The following SGSM3 variants were observed in gnomAD, a reference collection of about 807,000 sequenced individuals.
The protein encoded by SGSM3 is small G protein signaling modulator 3.
A neutral mutation model predicts 100.5 loss-of-function variants in SGSM3; 96 were observed. That is an observed-to-expected ratio of 0.96 (90% CI 0.81 to 1.13). The LOEUF (loss-of-function observed/expected upper bound fraction) is 1.13, where lower values mean the gene tolerates loss of function less well. Among genes scored for constraint, SGSM3 ranks in the 50% most tolerant of loss-of-function variants. SGSM3 has a pLI of 0.00. For synonymous variants in SGSM3, 483 were observed against 422.8 expected (o/e 1.14, Z -1.75); for missense variants, 1,001 against 1,015.8 (o/e 0.99, Z 0.20).
intron 10 of SGSM3, 118 bp downstream of exon 10, chr22:40,406,780 A>G (rs1316182659): frequency 1.0e-6 from 1 of 957,068 alleles, no homozygotes. Flanking sequence ...TCTGCCCCCC[A>G]GCCTGGCCCA....
At chr22:40,409,180 GC>G in intron 19 of SGSM3, 69 bp from the exon 20 acceptor site, 1 of 1,556,014 alleles carries the variant, frequency 6.4e-7, no homozygotes, top group Non-Finnish European at 8.7e-7. Flanking sequence ...CAGGTCAGAG[GC>G]TTCCACCGTG....
chr22:40,390,282 T>G (rs546343858), intron 1 of SGSM3: 2 of 152,296 alleles, frequency 1.3e-5, no homozygotes, highest in East Asian at 3.9e-4. Flanking sequence ...GAAGTAAAAG[T>G]CTCCCTGCCA....
Position 40,409,543 on chromosome 22 carries a change from C to T in SGSM3, c.2172+18C>T, listed in dbSNP as rs201266063. On this transcript the variant is annotated intron_variant, in intron 21 of 21. Transcript: ENST00000248929. ...AGAGAGAGGTGGGTGGTGTGGGCCTCGTAGGGCCTGCACTGATGGAGCTGC... is the reference window on the plus strand; with the variant it reads ...AGAGAGAGGTGGGTGGTGTGGGCCTTGTAGGGCCTGCACTGATGGAGCTGC... 4.8e-5 allele frequency: 77 copies of T among 1,606,894 alleles called. No individual in the cohort carries two copies. The highest frequency in any genetic ancestry group is 2.0e-4 in the African/African-American group (15 of 74,622).
At chr22:40,378,734 C>A (rs2047068002) in intron 1 of SGSM3, among the ~76,000 whole-genome samples, 1 of 151,682 alleles carries the variant, frequency 6.6e-6, no homozygotes, top group South Asian at 2.1e-4. Context: ...CAAAAAAAAA[C>A]AGAACAAAAC....
At chr22:40,386,940 AT>A (rs2048562992) in intron 1 of SGSM3, among the ~76,000 whole-genome samples, 2 of 151,986 alleles carry the variant, frequency 1.3e-5, no homozygotes, top group African/African-American at 4.8e-5. Flanking sequence ...CACACAAAAA[AT>A]TTTTTTTAGT....
At chr22:40,409,134 T>C in intron 19 of SGSM3, 116 bp downstream of exon 19, 1 of 1,555,080 alleles carries the variant, frequency 6.4e-7, no homozygotes, top group South Asian at 1.2e-5. Flanking sequence ...GCTCAGGTCC[T>C]TCCCCAAAGA....
chr22:40,403,964 AGGCTGAGCATCG>A, intron 4 of SGSM3: 1 of 298,004 alleles, frequency 3.4e-6, no homozygotes, highest in Non-Finnish European at 6.2e-6. Flanking sequence ...TCCGAGGTTT[AGGCTGAGCATCG>A]GGAGAATGGA....
chr22:40,396,507 C>G (rs1468895018), intron 1 of SGSM3, among the ~76,000 whole-genome samples: 1 of 148,942 alleles, frequency 6.7e-6, no homozygotes, highest in African/African-American at 2.5e-5. Flanking sequence ...GCAGGAGAAT[C>G]GCTTGAACCT....
In SGSM3 at chr22:40,407,012, T is replaced by G. The variant is rs1421902207; in HGVS notation, c.1186-5T>G. 1 of 1,568,798 alleles carries G rather than the reference T, an allele frequency of 6.4e-7. No individual in the cohort carries two copies. Among genetic ancestry groups the G allele is most frequent in the Non-Finnish European group, 8.6e-7 (1 of 1,156,634 alleles). The stretch of plus-strand genomic sequence containing the variant: ...GACCACCCTGACCCACTCCTCTTGG[T>G]GCAGGTTGTTCGCCGCAGGACCCAG... On this transcript the variant is annotated splice_polypyrimidine_tract_variant and splice_region_variant and intron_variant, in intron 10 of 21. Coordinates refer to ENST00000248929, the MANE Select transcript of SGSM3 (RefSeq NM_015705.6). The surrounding 1 kb of genome is among the most constrained non-coding windows in gnomAD (Gnocchi z 4.7).
chr22:40,405,795 T>C lies in SGSM3; in HGVS notation c.765T>C (p.Ile255=), dbSNP rs757101670. 6.2e-7 allele frequency: 1 copy of C among 1,613,502 alleles called. No homozygotes were observed. Among genetic ancestry groups the C allele is most frequent in the South Asian group, 1.1e-5 (1 of 91,076 alleles). Residue 255 remains isoleucine, a synonymous_variant, in exon 8 of 22, where the codon ATT becomes ATC. Transcript: ENST00000248929. ...ACCAGCGGGTCCTGCGCCACCTCAT[T>C]GTCCAGTACCTGCCTCGCCTGGACA... ...QTDQRVLRHL[I]VQYLPRLDKL...
intron 4 of SGSM3, among the ~76,000 whole-genome samples, chr22:40,403,872 G>C (rs2051084136): frequency 1.3e-5 from 2 of 152,296 alleles, no homozygotes; most frequent in Admixed American, 6.5e-5. Context: ...CCATGGTCAG[G>C]GGTGGTGAGA....
chr22:40,409,018 AGTG>A lies in SGSM3; in HGVS notation c.1988+1_1988+3del. 1 of 1,562,168 alleles carries A rather than the reference AGTG, an allele frequency of 6.4e-7. No individual in the cohort carries two copies. Among genetic ancestry groups the A allele is most frequent in the Non-Finnish European group, 8.7e-7 (1 of 1,153,100 alleles). On this transcript the variant is annotated splice_donor_variant and splice_donor_region_variant and intron_variant, in intron 19 of 21. Transcript: ENST00000248929. LOFTEE classifies it high-confidence loss of function. ...CGCTCACTGATCTGCGTGGGGCTCAAGTGAGTGTGGAAAAGGGGTTGGAGGAGA... is the reference window on the plus strand; with the variant it reads ...CGCTCACTGATCTGCGTGGGGCTCAAAGTGTGGAAAAGGGGTTGGAGGAGA...
intron 3 of SGSM3, 50 bp downstream of exon 3, chr22:40,401,725 T>C (rs1163087207): frequency 6.6e-7 from 1 of 1,515,200 alleles, no homozygotes; most frequent in Non-Finnish European, 9.1e-7. Flanking sequence ...CGCTGTGGTA[T>C]GAAGGGGACC....
At chr22:40,405,577 T>C in intron 7 of SGSM3, 72 bp from the exon 8 acceptor site, 1 of 1,429,308 alleles carries the variant, frequency 7.0e-7, no homozygotes, top group Non-Finnish European at 9.6e-7. Flanking sequence ...TTGGTCTCCC[T>C]AGGGTAGGGG....
Position 40,409,714 on chromosome 22 carries a change from C to T in SGSM3, c.2205C>T (p.Asp735=). The stretch of plus-strand genomic sequence containing the variant: ...AGCCCCTGAAGGAGGGCGTCCGGGA[C>T]ATGCTGGTGAAGCACCACCTCTTCA... ...AQQPLKEGVR[D]MLVKHHLFSW... Residue 735 remains aspartate, a synonymous_variant, in exon 22 of 22, where the codon GAC becomes GAT. Coordinates refer to ENST00000248929, the MANE Select transcript of SGSM3 (RefSeq NM_015705.6). The T allele has an allele frequency of 6.2e-7, 1 of 1,612,658 alleles. No individual in the cohort carries two copies. Among genetic ancestry groups the T allele is most frequent in the South Asian group, 1.1e-5 (1 of 91,060 alleles).
At chr22:40,398,028 C>T (rs906766714) in intron 1 of SGSM3, among the ~76,000 whole-genome samples, 1 of 136,552 alleles carries the variant, frequency 7.3e-6, no homozygotes, top group South Asian at 2.2e-4. Context: ...AATGCAGTGG[C>T]GCCATCTCAA....
chr22:40,408,861 C>T lies in SGSM3; in HGVS notation c.1902+19C>T. 6.2e-7 allele frequency: 1 copy of T among 1,613,920 alleles called. No homozygotes were observed. Among genetic ancestry groups the T allele is most frequent in the South Asian group, 1.1e-5 (1 of 91,086 alleles). On this transcript the variant is annotated intron_variant, in intron 18 of 21. Transcript: ENST00000248929. ...CTACCGGGTAAGGGGGCCTCCTCTG[C>T]CAGACCCTAGAGACCTCTCTGGGGT...
At chr22:40,374,708 G>A (rs966042577) in intron 1 of SGSM3, among the ~76,000 whole-genome samples, 1 of 152,186 alleles carries the variant, frequency 6.6e-6, no homozygotes, top group Non-Finnish European at 1.5e-5. Flanking sequence ...ATGGCGAAAT[G>A]CCATCTCGAC....
In SGSM3 at chr22:40,408,841, G is replaced by T; in HGVS notation, c.1901G>T (p.Arg634Leu). ...KVLTPEELLY[R>L]AVQSVNVTHD... The stretch of plus-strand genomic sequence containing the variant: ...CTGACCCCGGAGGAGCTGCTCTACC[G>T]GGTAAGGGGGCCTCCTCTGCCAGAC... Residue 634 changes from arginine to leucine, a missense_variant and splice_region_variant, in exon 18 of 22, where the codon CGG (arginine) becomes CTG (leucine). By Grantham distance (102) the Arg-to-Leu change is moderately radical. Transcript: ENST00000248929. The T allele has an allele frequency of 6.2e-7, 1 of 1,613,854 alleles. No individual in the cohort carries two copies. The highest frequency in any genetic ancestry group is 8.5e-7 in the Non-Finnish European group (1 of 1,180,020).
Sources: gnomAD v4.1 joint callset for allele counts (sites outside exome capture counted in the v4.1 genomes callset) on GRCh38, gnomAD v4.1.1 for gene constraint, Gnocchi (gnomAD v3.1) non-coding constraint, MANE v1.5 for transcripts, NCBI Gene and HGNC (gene_info 2026-07-23, HGNC 2026-07-21) for gene names.